NAALADL2: variants seen among roughly 807,000 people sequenced by gnomAD.
NAALADL2 encodes N-acetylated alpha-linked acidic dipeptidase like 2.
In NAALADL2, 76 loss-of-function variants were observed where a neutral mutation model predicts 87.2. The observed-to-expected ratio is 0.87, with a 90% confidence interval of 0.72 to 1.05. The LOEUF (loss-of-function observed/expected upper bound fraction) is 1.05. Ranked by LOEUF, NAALADL2 falls within the 50% of genes least tolerant of loss-of-function variation. The pLI is 0.00. For synonymous variants in NAALADL2, 354 were observed against 331.0 expected, an observed-to-expected ratio of 1.07 and a Z score of -0.75; for missense variants, 1,089 against 945.8, an observed-to-expected ratio of 1.15 and a Z score of -1.99.
intron 1 of NAALADL2, among the ~76,000 whole-genome samples, chr3:174,465,290 A>G (rs1043663437): frequency 6.6e-6 from 1 of 152,190 alleles, no homozygotes; most frequent in Non-Finnish European, 1.5e-5. Context: ...TGTATATATC[A>G]GCACAATTAA....
At chr3:174,670,052 T>C (rs1287024335) in intron 2 of NAALADL2, among the ~76,000 whole-genome samples, 1 of 152,082 alleles carries the variant, frequency 6.6e-6, no homozygotes, top group Non-Finnish European at 1.5e-5. Flanking sequence ...TCATTGTCAG[T>C]GTAGAAATGG....
At chr3:175,334,366 C>T (rs539868173) in intron 5 of NAALADL2, among the ~76,000 whole-genome samples, 7 of 152,242 alleles carry the variant, frequency 4.6e-5, no homozygotes, top group African/African-American at 1.7e-4. Context: ...TGCTTTTTCC[C>T]TCTTCCCTAT....
At chr3:175,460,610 A>C (rs978054074) in intron 6 of NAALADL2, among the ~76,000 whole-genome samples, 3 of 152,186 alleles carry the variant, frequency 2.0e-5, no homozygotes, top group African/African-American at 7.2e-5. Flanking sequence ...AAGATCTCTG[A>C]AGGAAATTTA....
chr3:175,135,495 A>AT (rs902385287), intron 2 of NAALADL2, among the ~76,000 whole-genome samples: 10 of 152,140 alleles, frequency 6.6e-5, no homozygotes, highest in Non-Finnish European at 1.2e-4. Flanking sequence ...TTATAGTAGG[A>AT]TTTTTTGCTG....
At chr3:174,452,820 A>C (rs1048013403) in intron 1 of NAALADL2, among the ~76,000 whole-genome samples, 1 of 152,170 alleles carries the variant, frequency 6.6e-6, no homozygotes, top group Non-Finnish European at 1.5e-5. Context: ...ACATCAGCCC[A>C]CAAGGATGAG....
intron 12 of NAALADL2, among the ~76,000 whole-genome samples, chr3:175,745,715 C>T (rs1381012104): frequency 6.6e-6 from 1 of 152,116 alleles, no homozygotes; most frequent in Admixed American, 6.5e-5. Context: ...TACTAGTTTG[C>T]AGGGGCAGAG....
At chr3:174,633,855 G>T (rs978878164) in intron 2 of NAALADL2, among the ~76,000 whole-genome samples, 2 of 152,178 alleles carry the variant, frequency 1.3e-5, no homozygotes, top group African/African-American at 4.8e-5. Flanking sequence ...CCATAGGGGA[G>T]TTAGTAGGGT....
intron 9 of NAALADL2, among the ~76,000 whole-genome samples, chr3:175,494,489 T>A (rs917391350): frequency 6.6e-6 from 1 of 152,076 alleles, no homozygotes; most frequent in Admixed American, 6.6e-5. Context: ...ACTTACAAAC[T>A]TTCAACAGCT....
intron 1 of NAALADL2, among the ~76,000 whole-genome samples, chr3:174,886,260 A>G (rs999079072): frequency 6.6e-6 from 1 of 152,062 alleles, no homozygotes; most frequent in African/African-American, 2.4e-5. Context: ...GTTTGAGGGC[A>G]GGAAGCATCC....
intron 5 of NAALADL2, among the ~76,000 whole-genome samples, chr3:175,444,222 C>A (rs1349063461): frequency 6.6e-6 from 1 of 152,052 alleles, no homozygotes; most frequent in African/African-American, 2.4e-5. Context: ...ATGAAAACTT[C>A]GAAATGATAG....
chr3:174,662,077 A>G (rs1164422409), intron 2 of NAALADL2, among the ~76,000 whole-genome samples: 1 of 152,108 alleles, frequency 6.6e-6, no homozygotes, highest in Non-Finnish European at 1.5e-5. Flanking sequence ...CCTCATCTCT[A>G]CTGTGGGATA....
intron 5 of NAALADL2, among the ~76,000 whole-genome samples, chr3:175,365,856 G>A (rs537200022): frequency 1.4e-5 from 2 of 147,038 alleles, no homozygotes; most frequent in East Asian, 4.0e-4. Flanking sequence ...TTAAGCATCT[G>A]AACTTTATTA....
chr3:174,884,766 T>C (rs370683516), intron 1 of NAALADL2, among the ~76,000 whole-genome samples: 3 of 152,102 alleles, frequency 2.0e-5, no homozygotes, highest in African/African-American at 7.2e-5. Context: ...AGATTTCTGT[T>C]TATATGAATT....
intron 2 of NAALADL2, among the ~76,000 whole-genome samples, chr3:174,707,391 C>T (rs1419329298): frequency 6.6e-6 from 1 of 152,028 alleles, no homozygotes; most frequent in Admixed American, 6.6e-5. Context: ...GACTTGGAAC[C>T]AACCCAAATG....
chr3:175,157,791 T>A (rs139041070), intron 2 of NAALADL2, among the ~76,000 whole-genome samples: 3 of 152,200 alleles, frequency 2.0e-5, no homozygotes, highest in Admixed American at 2.0e-4. Flanking sequence ...TTCAGACAGA[T>A]GTAATTCAAT....
chr3:174,984,115 A>G (rs1745496395), intron 1 of NAALADL2, among the ~76,000 whole-genome samples: 1 of 152,170 alleles, frequency 6.6e-6, no homozygotes, highest in South Asian at 2.1e-4. Context: ...GATGTTTTAA[A>G]AAAACACACA....
chr3:174,772,774 C>A (rs1393568424), intron 3 of NAALADL2, among the ~76,000 whole-genome samples: 1 of 152,028 alleles, frequency 6.6e-6, no homozygotes. Flanking sequence ...AGAGAGGAAC[C>A]CATGAAACAA....
chr3:175,463,736 G>GAGAGAGAGAGAGAGAGAGA, intron 7 of NAALADL2, among the ~76,000 whole-genome samples: 54 of 145,096 alleles, frequency 3.7e-4, no homozygotes, highest in African/African-American at 1.3e-3. Context: ...GAGAGAGAGA[G>GAGAGAGAGAGAGAGAGAGA]GTGGGGATCT....
At chr3:175,501,361 A>G (rs913415824) in intron 9 of NAALADL2, among the ~76,000 whole-genome samples, 1 of 152,020 alleles carries the variant, frequency 6.6e-6, no homozygotes, top group East Asian at 1.9e-4. Context: ...CACCTCCACA[A>G]TTATATTACC....
Sources: allele counts gnomAD v4.1 joint callset (sites outside exome capture counted in the v4.1 genomes callset), GRCh38; gene constraint gnomAD v4.1.1; transcripts MANE v1.5; gene names NCBI Gene and HGNC (gene_info 2026-07-23, HGNC 2026-07-21).